Variants in ERBB4 observed in about 807,000 individuals in gnomAD.
The protein encoded by ERBB4 is erb-b2 receptor tyrosine kinase 4, also known as receptor tyrosine-protein kinase erbB-4.
In ERBB4, 42 loss-of-function variants were observed where a neutral mutation model predicts 158.0. That is an observed-to-expected ratio of 0.27 (90% confidence interval 0.21 to 0.34). The LOEUF (loss-of-function observed/expected upper bound fraction) is 0.34, where lower values mean the gene tolerates loss of function less well. Ranked by LOEUF, ERBB4 falls within the 10% of genes least tolerant of loss-of-function variation. The pLI, the probability that ERBB4 is intolerant of heterozygous loss-of-function variation, is 1.00. For missense variants in ERBB4, 1,333 were observed against 1,624.1 expected (o/e 0.82, Z 3.08); for synonymous variants, 583 against 558.7 (o/e 1.04, Z -0.61).
chr2:211,568,355 T>C (rs2067614788), intron 19 of ERBB4, among the ~76,000 whole-genome samples: 1 of 152,132 alleles, frequency 6.6e-6, no homozygotes, highest in African/African-American at 2.4e-5. Context: ...CCACATATTA[T>C]CTATATCTCT....
At chr2:211,992,589 T>TC (rs2082106800) in intron 2 of ERBB4, among the ~76,000 whole-genome samples, 1 of 147,976 alleles carries the variant, frequency 6.8e-6, no homozygotes, top group Admixed American at 6.7e-5. Context: ...AAACATGAGT[T>TC]TGTCAGGGGC....
intron 1 of ERBB4, among the ~76,000 whole-genome samples, chr2:212,337,458 C>T (rs976153265): frequency 6.6e-6 from 1 of 152,048 alleles, no homozygotes; most frequent in Non-Finnish European, 1.5e-5. Flanking sequence ...TCCGCTTTCA[C>T]AAAATTGTAG....
chr2:211,569,314 T>C (rs939657887), intron 19 of ERBB4, among the ~76,000 whole-genome samples: 3 of 152,208 alleles, frequency 2.0e-5, no homozygotes, highest in Non-Finnish European at 2.9e-5. Flanking sequence ...ATTCCATCTT[T>C]ATGATATTTT....
At chr2:211,829,192 G>A (rs750130235) in intron 3 of ERBB4, among the ~76,000 whole-genome samples, 45 of 151,972 alleles carry the variant, frequency 3.0e-4, no homozygotes, top group Non-Finnish European at 5.6e-4. Flanking sequence ...CCATTAACCC[G>A]TCCCTATGCC....
At chr2:212,296,016 G>C (rs146268335) in intron 1 of ERBB4, among the ~76,000 whole-genome samples, 2,566 of 152,052 alleles carry the variant, frequency 0.017, 38 homozygotes, top group Non-Finnish European at 0.022. Context: ...ATCTCAATTA[G>C]ATGATCCCAG....
intron 19 of ERBB4, among the ~76,000 whole-genome samples, chr2:211,618,060 T>A (rs980331768): frequency 7.9e-5 from 12 of 152,176 alleles, no homozygotes; most frequent in African/African-American, 2.9e-4. Context: ...CTGATTGACC[T>A]TAAAAAGTAC....
At position 211,707,061 on chromosome 2, in the gene ERBB4, A is replaced by ACAG. The variant is rs577636277; in HGVS notation, c.1125-1673_1125-1671dup. 1.7e-4 allele frequency among the ~76,000 whole-genome samples: 26 copies of ACAG among 152,308 alleles called. No individual in the cohort carries two copies. In the South Asian group the frequency reaches 5.4e-3, roughly 32 times the overall value. ...TCTTTGATGAAAAGCAGAGTATAGG[A>ACAG]CAGCTCAGGTCGTATAATCAAATAT... is the stretch of plus-strand genomic sequence containing the variant. On this transcript the variant is annotated intron_variant, in intron 9 of 27. Coordinates refer to ENST00000342788, the MANE Select transcript of ERBB4 (RefSeq NM_005235.3).
chr2:211,671,894 C>G (rs2071857244), intron 14 of ERBB4, among the ~76,000 whole-genome samples: 1 of 152,056 alleles, frequency 6.6e-6, no homozygotes, highest in Non-Finnish European at 1.5e-5. Flanking sequence ...TCATGACTGT[C>G]CATAATGGAG....
chr2:211,496,996 GA>G (rs2065485353), intron 20 of ERBB4, among the ~76,000 whole-genome samples: 1 of 152,026 alleles, frequency 6.6e-6, no homozygotes, highest in South Asian at 2.1e-4. Context: ...CTCCAAGAAG[GA>G]AGAATGCATT....
intron 4 of ERBB4, among the ~76,000 whole-genome samples, chr2:211,759,454 G>A (rs935322177): frequency 1.7e-4 from 26 of 151,992 alleles, no homozygotes; most frequent in African/African-American, 5.6e-4. Flanking sequence ...CCTACAACAC[G>A]TAGCCCTCTC....
chr2:211,654,876 T>A (rs1249179819), intron 16 of ERBB4, among the ~76,000 whole-genome samples: 1 of 152,198 alleles, frequency 6.6e-6, no homozygotes, highest in South Asian at 2.1e-4. Flanking sequence ...CTGGCCATGG[T>A]CACCTATTTA....
intron 1 of ERBB4, among the ~76,000 whole-genome samples, chr2:212,310,116 A>G (rs1244765849): frequency 6.6e-6 from 1 of 150,720 alleles, no homozygotes; most frequent in Non-Finnish European, 1.5e-5. Flanking sequence ...TTATTTTCAT[A>G]AAGTCTAATA....
At chr2:212,197,703 T>A (rs1343479957) in intron 1 of ERBB4, among the ~76,000 whole-genome samples, 1 of 152,144 alleles carries the variant, frequency 6.6e-6, no homozygotes, top group African/African-American at 2.4e-5. Context: ...ATTTCCTGTT[T>A]TAGAAGGGTG....
At chr2:211,943,068 T>C (rs543113189) in intron 3 of ERBB4, among the ~76,000 whole-genome samples, 1 of 152,218 alleles carries the variant, frequency 6.6e-6, no homozygotes, top group East Asian at 1.9e-4. Context: ...ATTTGGGATA[T>C]AAATAGATAT....
rs2062476416 is a variant in ERBB4, at chr2:211,376,541, G to A, written c.*7074C>T. The A allele has an allele frequency of 4.3e-6, 1 of 232,762 alleles. No homozygotes were observed. The highest frequency in any genetic ancestry group is 8.5e-6 in the Non-Finnish European group (1 of 117,492). 14.4% of individuals were successfully genotyped at this position (232,762 alleles called of 1,614,324 possible). A position where few individuals can be genotyped will look rare whatever the true frequency, so the allele number is the denominator to read the frequency against. The stretch of plus-strand genomic sequence containing the variant: ...TATTTTTGCACCCCAATCCTTTGAA[G>A]ATACTTCACAAGAGAGAGGGCTTGT... On this transcript the variant is annotated 3_prime_UTR_variant, in exon 28 of 28. Transcript: ENST00000342788.
chr2:211,742,952 A>C (rs997501006), intron 5 of ERBB4, among the ~76,000 whole-genome samples: 21 of 152,118 alleles, frequency 1.4e-4, no homozygotes, highest in African/African-American at 3.6e-4. Flanking sequence ...ATAAGTAAGT[A>C]AGAAGCAAGA....
At chr2:212,054,580 C>T (rs2077496044) in intron 2 of ERBB4, among the ~76,000 whole-genome samples, 1 of 152,120 alleles carries the variant, frequency 6.6e-6, no homozygotes, top group African/African-American at 2.4e-5. Context: ...TCTAGCAGGT[C>T]CCAGGCCATC....
At chr2:212,468,967 G>A (rs1364461686) in intron 1 of ERBB4, among the ~76,000 whole-genome samples, 1 of 151,962 alleles carries the variant, frequency 6.6e-6, no homozygotes, top group African/African-American at 2.4e-5. Flanking sequence ...GTATCAGTAG[G>A]CCATTGTTGA....
chr2:211,816,946 C>T (rs950553385), intron 3 of ERBB4, among the ~76,000 whole-genome samples: 4 of 152,086 alleles, frequency 2.6e-5, no homozygotes, highest in African/African-American at 9.7e-5. Flanking sequence ...CCATAAACAG[C>T]CTTTAAAAAA....
Sources: gnomAD v4.1 joint callset for allele counts (sites outside exome capture counted in the v4.1 genomes callset) on GRCh38, gnomAD v4.1.1 for gene constraint, MANE v1.5 for transcripts, NCBI Gene and HGNC (gene_info 2026-07-23, HGNC 2026-07-21) for gene names.